The following RBFOX2 variants were observed in gnomAD, a reference collection of about 807,000 sequenced individuals.
RBFOX2 encodes RNA binding fox-1 homolog 2.
RBFOX2 carries 10 observed loss-of-function variants against 49.1 expected under a neutral mutation model. The ratio of observed to expected loss-of-function variants is 0.20; its 90% CI spans 0.13 to 0.35. RBFOX2 has a LOEUF of 0.35. RBFOX2 is among the 10% of genes least tolerant of loss of function. The pLI, the probability that RBFOX2 is intolerant of heterozygous loss-of-function variation, is 1.00. For missense variants in RBFOX2, 323 were observed against 486.9 expected, an observed-to-expected ratio of 0.66 and a Z score of 3.17; for synonymous variants, 183 against 187.4, an observed-to-expected ratio of 0.98 and a Z score of 0.19.
upstream of RBFOX2, among the ~76,000 whole-genome samples, chr22:35,963,127 T>C (rs564955054): frequency 7.3e-6 from 1 of 136,328 alleles, no homozygotes; most frequent in South Asian, 2.5e-4. Context: ...AACAGTCATC[T>C]ACCCCACAGA....
At chr22:35,922,485 T>C (rs2051143247) in intron 1 of RBFOX2, among the ~76,000 whole-genome samples, 1 of 151,948 alleles carries the variant, frequency 6.6e-6, no homozygotes, top group Admixed American at 6.6e-5. Context: ...GGCAGAAGAA[T>C]TGCTTGAACC....
intron 1 of RBFOX2, among the ~76,000 whole-genome samples, chr22:35,934,548 A>G (rs2052822564): frequency 6.6e-6 from 1 of 152,204 alleles, no homozygotes; most frequent in Admixed American, 6.5e-5. Flanking sequence ...TAAAGTTTAT[A>G]TGGTCACCTT....
intron 1 of RBFOX2, chr22:35,897,628 T>A: frequency 2.2e-6 from 3 of 1,375,924 alleles, no homozygotes; most frequent in Non-Finnish European, 3.1e-6. Flanking sequence ...GGTTTTCCCA[T>A]TGGCATCAGG....
At chr22:35,848,764 T>C (rs551120857) in intron 1 of RBFOX2, among the ~76,000 whole-genome samples, 137 of 152,334 alleles carry the variant, frequency 9.0e-4, no homozygotes, top group Non-Finnish European at 1.8e-3. Flanking sequence ...TCAGAATTAA[T>C]TGTATTAACT....
exon 1 of RBFOX2, chr22:35,840,429 C>G: frequency 6.9e-7 from 1 of 1,453,928 alleles, no homozygotes; most frequent in Non-Finnish European, 9.0e-7. Context: ...CCTTCTTTCT[C>G]CAGCTCCCTC....
chr22:36,028,602 T>C (rs1466980643), exon 1 of RBFOX2, among the ~76,000 whole-genome samples: 1 of 148,318 alleles, frequency 6.7e-6, no homozygotes, highest in Non-Finnish European at 1.5e-5. Flanking sequence ...CCGCCGCTCC[T>C]TGCCTGACCG....
chr22:35,805,289 C>CA (rs748086413), intron 2 of RBFOX2, among the ~76,000 whole-genome samples: 3,211 of 34,576 alleles, frequency 0.093, 266 homozygotes, highest in African/African-American at 0.2. Flanking sequence ...GACTCCGTCT[C>CA]AAAAAAAAAA....
intron 9 of RBFOX2, among the ~76,000 whole-genome samples, chr22:35,751,215 T>A (rs1273766561): frequency 6.6e-6 from 1 of 152,216 alleles, no homozygotes; most frequent in Non-Finnish European, 1.5e-5. Context: ...TTTAATTTTA[T>A]TATATTTTTG....
chr22:35,840,071 A>C, intron 1 of RBFOX2: 1 of 1,333,722 alleles, frequency 7.5e-7, no homozygotes, highest in Non-Finnish European at 1.1e-6. Context: ...ATAACAATAA[A>C]TCTGGTCTGT....
chr22:35,941,566 T>C (rs896124836), upstream of RBFOX2, among the ~76,000 whole-genome samples: 1 of 152,124 alleles, frequency 6.6e-6, no homozygotes, highest in Non-Finnish European at 1.5e-5. Flanking sequence ...AATGATTCCA[T>C]ATTATTCCCT....
intron 1 of RBFOX2, among the ~76,000 whole-genome samples, chr22:36,016,917 C>A (rs1444229419): frequency 6.6e-6 from 1 of 152,160 alleles, no homozygotes; most frequent in Non-Finnish European, 1.5e-5. Flanking sequence ...TCTCAGAATT[C>A]TCTTTATTCA....
At chr22:35,909,318 A>C (rs1486740972) in intron 1 of RBFOX2, among the ~76,000 whole-genome samples, 1 of 152,192 alleles carries the variant, frequency 6.6e-6, no homozygotes, top group Non-Finnish European at 1.5e-5. Flanking sequence ...GAAAAAATAT[A>C]CATTACATCA....
intron 1 of RBFOX2, among the ~76,000 whole-genome samples, chr22:36,004,023 C>T (rs777919551): frequency 6.6e-6 from 1 of 152,148 alleles, no homozygotes; most frequent in African/African-American, 2.4e-5. Flanking sequence ...CCCCTAGATG[C>T]CAGTAAGACC....
At chr22:35,802,780 C>T (rs1355415543) in intron 2 of RBFOX2, among the ~76,000 whole-genome samples, 1 of 152,108 alleles carries the variant, frequency 6.6e-6, no homozygotes, top group Non-Finnish European at 1.5e-5. Flanking sequence ...AGAAAAGAGT[C>T]ACAAAAGGGC....
In RBFOX2 at chr22:35,757,232, A is replaced by C. The variant is rs528398560; in HGVS notation, c.887+2656T>G. ...AGACAATGCATGACTTTAAAAAAAA[A>C]AAAAAAACAAAACCTAAGCAACACT... On this transcript the variant is annotated intron_variant, in intron 9 of 11. Coordinates refer to ENST00000405409, the Ensembl canonical transcript of RBFOX2. 3.3e-5 allele frequency among the ~76,000 whole-genome samples: 5 copies of C among 152,136 alleles called. No individual in the cohort carries two copies. The South Asian group carries it at 8.3e-4, about 25-fold the overall frequency.
chr22:36,000,006 T>TATATATA (rs1556524955), intron 1 of RBFOX2: 253 of 80,078 alleles, frequency 3.2e-3, no homozygotes, highest in East Asian at 0.027. Flanking sequence ...TATATATATA[T>TATATATA]TTTTTTTTTT....
At chr22:35,997,626 G>A (rs1273906678) in intron 1 of RBFOX2, 1 of 152,236 alleles carries the variant, frequency 6.6e-6, no homozygotes, top group African/African-American at 2.4e-5. Context: ...GAGATGCGGA[G>A]GGAGTATAGA....
At chr22:35,873,570 T>G (rs2044633390) in intron 1 of RBFOX2, among the ~76,000 whole-genome samples, 1 of 152,180 alleles carries the variant, frequency 6.6e-6, no homozygotes, top group African/African-American at 2.4e-5. Flanking sequence ...ATGCAAATAT[T>G]AGTATCAACA....
upstream of RBFOX2, chr22:35,961,682 ACCT>A: frequency 7.7e-7 from 1 of 1,302,186 alleles, no homozygotes; most frequent in South Asian, 1.2e-5. Context: ...TGGTAACCTC[ACCT>A]CCTCCTGCTT....
Sources: gnomAD v4.1 joint callset for allele counts (sites outside exome capture counted in the v4.1 genomes callset) on GRCh38, gnomAD v4.1.1 for gene constraint, MANE v1.5 for transcripts, NCBI Gene and HGNC (gene_info 2026-07-23, HGNC 2026-07-21) for gene names.